The following PCCB variants were observed in gnomAD, a reference collection of about 807,000 sequenced individuals.
The protein encoded by PCCB is propionyl-CoA carboxylase beta chain, mitochondrial.
A neutral mutation model predicts 60.7 loss-of-function variants in PCCB; 43 were observed. That is an observed-to-expected ratio of 0.71 (90% confidence interval 0.55 to 0.91). The LOEUF is 0.91. Among genes scored for constraint, PCCB ranks in the 40% least tolerant of loss-of-function variants. PCCB has a pLI of 0.00. For synonymous variants in PCCB, 276 were observed against 255.9 expected (o/e 1.08, Z -0.75); for missense variants, 766 against 702.8 (o/e 1.09, Z -1.02).
chr3:136,266,729 A>G (rs183034267), intron 5 of PCCB, among the ~76,000 whole-genome samples: 24 of 152,246 alleles, frequency 1.6e-4, no homozygotes, highest in African/African-American at 2.4e-5. Context: ...TGAAATGTCT[A>G]TTCAGATCTT....
chr3:136,256,280 G>T, intron 2 of PCCB: 1 of 570,018 alleles, frequency 1.8e-6, no homozygotes, highest in Non-Finnish European at 3.1e-6. Flanking sequence ...TGTAAGCATA[G>T]AGAAGTGGTG....
intron 5 of PCCB, among the ~76,000 whole-genome samples, chr3:136,264,952 T>A (rs1941946634): frequency 6.6e-6 from 1 of 151,522 alleles, no homozygotes; most frequent in South Asian, 2.1e-4. Flanking sequence ...TCCCAGCACT[T>A]TGGGAGGCCG....
chr3:136,290,265 T>G (rs1933613433), intron 6 of PCCB, among the ~76,000 whole-genome samples: 4 of 152,228 alleles, frequency 2.6e-5, no homozygotes, highest in Admixed American at 1.3e-4. Context: ...GTATTTTTCC[T>G]TCACTTTTGA....
chr3:136,293,530 A>G (rs538406963), intron 6 of PCCB, among the ~76,000 whole-genome samples: 2 of 152,210 alleles, frequency 1.3e-5, no homozygotes, highest in Non-Finnish European at 2.9e-5. Flanking sequence ...CCACATTGCA[A>G]GTTAACTTCT....
chr3:136,320,609 C>T (rs1311743283), intron 10 of PCCB, among the ~76,000 whole-genome samples: 1 of 152,132 alleles, frequency 6.6e-6, no homozygotes, highest in Non-Finnish European at 1.5e-5. Context: ...TATATTGCTA[C>T]ATTTTGTTTG....
chr3:136,291,705 C>G (rs1933697536), intron 6 of PCCB, among the ~76,000 whole-genome samples: 1 of 152,172 alleles, frequency 6.6e-6, no homozygotes, highest in Admixed American at 6.5e-5. Flanking sequence ...GATAAAACTT[C>G]AGCAGGTTAG....
At chr3:136,312,856 C>A (rs1934723062) in intron 9 of PCCB, among the ~76,000 whole-genome samples, 1 of 151,936 alleles carries the variant, frequency 6.6e-6, no homozygotes, top group African/African-American at 2.4e-5. Flanking sequence ...AGCATGTATC[C>A]CAGAGTATGA....
At chr3:136,296,447 T>A (rs1360936771) in intron 7 of PCCB, among the ~76,000 whole-genome samples, 2 of 152,238 alleles carry the variant, frequency 1.3e-5, no homozygotes, top group Non-Finnish European at 2.9e-5. Flanking sequence ...AGTACTTTAT[T>A]CATTTTTATG....
At chr3:136,309,996 C>T (rs908468761) in intron 9 of PCCB, among the ~76,000 whole-genome samples, 4 of 152,010 alleles carry the variant, frequency 2.6e-5, no homozygotes, top group African/African-American at 9.7e-5. Flanking sequence ...TTTTGGGATG[C>T]TAAAACGGGA....
chr3:136,327,413 T>A (rs1434846966), intron 12 of PCCB, among the ~76,000 whole-genome samples, 158 bp downstream of exon 12: 2 of 152,190 alleles, frequency 1.3e-5, no homozygotes, highest in Admixed American at 1.3e-4. Context: ...CGCAGAAATG[T>A]CTGTGCTTTT....
chr3:136,280,092 A>C (rs888301319), intron 5 of PCCB, among the ~76,000 whole-genome samples: 1 of 152,176 alleles, frequency 6.6e-6, no homozygotes, highest in Non-Finnish European at 1.5e-5. Context: ...CCAAAGTACA[A>C]CACTACTTTT....
chr3:136,319,206 C>A (rs1935021195), intron 10 of PCCB, among the ~76,000 whole-genome samples: 1 of 152,010 alleles, frequency 6.6e-6, no homozygotes, highest in African/African-American at 2.4e-5. Flanking sequence ...ATTTGTATAT[C>A]TTCTTTGGAA....
intron 6 of PCCB, among the ~76,000 whole-genome samples, chr3:136,285,470 T>C (rs936644165): frequency 9.2e-5 from 14 of 152,186 alleles, no homozygotes; most frequent in African/African-American, 3.4e-4. Context: ...GGCATACTCC[T>C]GTAGCTCTTG....
At chr3:136,251,438 CATGAGGG>C in intron 1 of PCCB, 1 of 408,806 alleles carries the variant, frequency 2.4e-6, no homozygotes, top group Non-Finnish European at 5.0e-6. Flanking sequence ...AACTCACAAC[CATGAGGG>C]AGGCACTGGG....
At chr3:136,291,872 A>G (rs573417708) in intron 6 of PCCB, among the ~76,000 whole-genome samples, 2 of 152,244 alleles carry the variant, frequency 1.3e-5, no homozygotes, top group East Asian at 3.9e-4. Flanking sequence ...CTAGAGGTAA[A>G]ACTCACAAAA....
At chr3:136,318,810 A>G (rs187891381) in intron 10 of PCCB, among the ~76,000 whole-genome samples, 2 of 152,262 alleles carry the variant, frequency 1.3e-5, no homozygotes, top group African/African-American at 4.8e-5. Context: ...TTGATTGTCC[A>G]TTTGTCAGTG....
chr3:136,316,917 T>G, intron 9 of PCCB, 24 bp from the exon 10 acceptor site: 1 of 1,613,700 alleles, frequency 6.2e-7, no homozygotes, highest in East Asian at 2.2e-5. Context: ...CATTTTGAGC[T>G]CAGAAGTAAA....
intron 1 of PCCB, 131 bp downstream of exon 1, chr3:136,250,689 CA>C (rs1941490696): frequency 1.1e-6 from 1 of 893,420 alleles, no homozygotes; most frequent in African/African-American, 1.7e-5. Flanking sequence ...CAAGGGTGTT[CA>C]CCTTGAAAAC....
At chr3:136,268,120 A>ATG (rs1553775715) in intron 5 of PCCB, among the ~76,000 whole-genome samples, 3 of 124,072 alleles carry the variant, frequency 2.4e-5, no homozygotes, top group Admixed American at 8.1e-5. Context: ...ATATATATAT[A>ATG]TGTATATATA....
Sources: gnomAD v4.1 joint callset for allele counts (sites outside exome capture counted in the v4.1 genomes callset) on GRCh38, gnomAD v4.1.1 for gene constraint, MANE v1.5 for transcripts, NCBI Gene and HGNC (gene_info 2026-07-23, HGNC 2026-07-21) for gene names.